Variants in KAT6B observed in about 807,000 individuals in gnomAD.
The protein encoded by KAT6B is histone acetyltransferase KAT6B.
A neutral mutation model predicts 187.5 loss-of-function variants in KAT6B; 10 were observed. That is an observed-to-expected ratio of 0.05 (90% CI 0.03 to 0.09). The LOEUF is 0.09. Among genes scored for constraint, KAT6B ranks in the 10% least tolerant of loss-of-function variants. The pLI is 1.00. For synonymous variants in KAT6B, 861 were observed against 926.8 expected, an observed-to-expected ratio of 0.93 and a Z score of 1.29; for missense variants, 1,952 against 2,558.9, an observed-to-expected ratio of 0.76 and a Z score of 5.12.
chr10:74,901,275 A>G (rs1309182668), intron 3 of KAT6B, among the ~76,000 whole-genome samples: 2 of 152,242 alleles, frequency 1.3e-5, no homozygotes, highest in Non-Finnish European at 2.9e-5. Context: ...TTCATGCTTT[A>G]ATTTAAAATG....
chr10:74,876,546 A>G (rs932025666), intron 3 of KAT6B, among the ~76,000 whole-genome samples: 8 of 152,238 alleles, frequency 5.3e-5, no homozygotes, highest in African/African-American at 1.9e-4. Context: ...TAAGCCAGTC[A>G]GAAGGTTTCT....
intron 13 of KAT6B, among the ~76,000 whole-genome samples, chr10:75,016,084 G>T (rs1383425748): frequency 6.6e-6 from 1 of 152,204 alleles, no homozygotes; most frequent in Admixed American, 6.5e-5. Flanking sequence ...CAGTTATTAT[G>T]CTGGGAATTA....
At chr10:74,928,217 A>G (rs1324339725) in intron 3 of KAT6B, among the ~76,000 whole-genome samples, 2 of 152,204 alleles carry the variant, frequency 1.3e-5, no homozygotes, top group African/African-American at 4.8e-5. Context: ...TGCCAGAAGC[A>G]GGAGTTAACT....
At chr10:74,905,936 C>T (rs546730892) in intron 3 of KAT6B, among the ~76,000 whole-genome samples, 2 of 152,148 alleles carry the variant, frequency 1.3e-5, no homozygotes, top group Non-Finnish European at 2.9e-5. Context: ...TGTTGCCCTT[C>T]TCACATTTCG....
At chr10:75,022,380 G>A (rs80131674) in intron 16 of KAT6B, 149 bp downstream of exon 16, 185 of 963,684 alleles carry the variant, frequency 1.9e-4, no homozygotes, top group Non-Finnish European at 2.8e-4. Flanking sequence ...TATCATAATC[G>A]TTTATCTCAC....
intron 13 of KAT6B, among the ~76,000 whole-genome samples, chr10:75,009,531 C>T (rs1490158109): frequency 6.6e-6 from 1 of 152,092 alleles, no homozygotes; most frequent in Non-Finnish European, 1.5e-5. Flanking sequence ...TAAAATTTAG[C>T]CAAACAGTGG....
rs115555554 is a variant in KAT6B, at chr10:74,877,908, A to C, written c.621+34430A>C. On this transcript the variant is annotated intron_variant, in intron 3 of 17. Transcript: ENST00000287239. ...CCATTCTGCTTCATCCTCCCCACTA[A>C]AGGGAAATACCAGATTGTAAAAGAA... 8.9e-3 allele frequency among the ~76,000 whole-genome samples: 1,359 copies of C among 152,224 alleles called. 21 individuals carry two copies. The highest frequency in any genetic ancestry group is 0.031 in the African/African-American group (1,300 of 41,526).
intron 3 of KAT6B, among the ~76,000 whole-genome samples, chr10:74,850,365 G>T (rs1192731538): frequency 2.0e-5 from 3 of 152,218 alleles, no homozygotes; most frequent in African/African-American, 7.2e-5. Context: ...TGGAAAGGCA[G>T]TAGAGAAAGT....
chr10:74,976,361 C>T (rs771236630), intron 8 of KAT6B, 31 bp downstream of exon 8: 6 of 1,575,886 alleles, frequency 3.8e-6, no homozygotes, highest in South Asian at 1.1e-5. Context: ...CCAACCAAAC[C>T]TGCGTCCCGT....
intron 3 of KAT6B, among the ~76,000 whole-genome samples, chr10:74,847,924 T>C (rs1842223038): frequency 6.7e-6 from 1 of 149,956 alleles, no homozygotes; most frequent in African/African-American, 2.4e-5. Flanking sequence ...CTTTTTCTTT[T>C]TTTTTTTTTT....
At chr10:75,004,102 C>T (rs757568927) in intron 13 of KAT6B, among the ~76,000 whole-genome samples, 1 of 151,460 alleles carries the variant, frequency 6.6e-6, no homozygotes, top group African/African-American at 2.4e-5. Flanking sequence ...GGATTTCTAA[C>T]GTTGACTGGC....
At chr10:74,919,699 C>T (rs1564564338) in intron 3 of KAT6B, among the ~76,000 whole-genome samples, 1 of 152,170 alleles carries the variant, frequency 6.6e-6, no homozygotes, top group Non-Finnish European at 1.5e-5. Flanking sequence ...CCACCATACC[C>T]AGCCTGCTTC....
At chr10:74,986,062 A>G (rs954996989) in intron 12 of KAT6B, among the ~76,000 whole-genome samples, 2 of 152,104 alleles carry the variant, frequency 1.3e-5, no homozygotes, top group African/African-American at 2.4e-5. Context: ...AAACAAAACA[A>G]AACAAAACAA....
chr10:75,023,922 A>C (rs1225385245), intron 16 of KAT6B, among the ~76,000 whole-genome samples: 1 of 152,254 alleles, frequency 6.6e-6, no homozygotes, highest in Non-Finnish European at 1.5e-5. Flanking sequence ...TTAACCAAGC[A>C]TATTGAACCC....
chr10:74,899,109 T>G (rs1437020535), intron 3 of KAT6B, among the ~76,000 whole-genome samples: 1 of 150,420 alleles, frequency 6.6e-6, no homozygotes, highest in Non-Finnish European at 1.5e-5. Context: ...TGCAGTGAGC[T>G]GAGATTGCGC....
At chr10:74,943,941 T>A (rs930877369) in intron 3 of KAT6B, among the ~76,000 whole-genome samples, 4 of 152,236 alleles carry the variant, frequency 2.6e-5, no homozygotes, top group African/African-American at 9.6e-5. Context: ...TAAGGAACTC[T>A]TACAACTGAA....
intron 3 of KAT6B, among the ~76,000 whole-genome samples, chr10:74,897,075 T>A (rs1405325480): frequency 6.6e-6 from 1 of 152,214 alleles, no homozygotes; most frequent in Non-Finnish European, 1.5e-5. Context: ...TTGTGTATGG[T>A]ATAAGATTAT....
intron 3 of KAT6B, among the ~76,000 whole-genome samples, chr10:74,854,504 A>G (rs1025146921): frequency 6.6e-6 from 1 of 152,000 alleles, no homozygotes; most frequent in Non-Finnish European, 1.5e-5. Flanking sequence ...ATTTTGATAA[A>G]TCTGCAAAAT....
At position 74,843,532 on chromosome 10, in the gene KAT6B, C is replaced by T. The variant is rs150230776; in HGVS notation, c.621+54C>T. 4.4e-4 allele frequency: 710 copies of T among 1,602,192 alleles called. No individual in the cohort carries two copies. Among genetic ancestry groups the T allele is most frequent in the South Asian group, 1.1e-3 (101 of 90,632 alleles). Reference sequence around the variant, plus strand: ...CTCACTACTGTCCTTTTGTCTTTTACGGTTTCACTTAAGTTTTATGTGGAC... The same window carrying T: ...CTCACTACTGTCCTTTTGTCTTTTATGGTTTCACTTAAGTTTTATGTGGAC... On this transcript the variant is annotated intron_variant, in intron 3 of 17. Coordinates refer to ENST00000287239, the MANE Select transcript of KAT6B (RefSeq NM_012330.4).
Sources: allele counts gnomAD v4.1 joint callset (sites outside exome capture counted in the v4.1 genomes callset), GRCh38; gene constraint gnomAD v4.1.1; transcripts MANE v1.5; gene names NCBI Gene and HGNC (gene_info 2026-07-23, HGNC 2026-07-21).